ZC3H4: variants seen among roughly 807,000 people sequenced by gnomAD.
ZC3H4 encodes the protein zinc finger CCCH-type containing 4, also known as zinc finger CCCH domain-containing protein 4.
A neutral mutation model predicts 108.3 loss-of-function variants in ZC3H4; 13 were observed. The ratio of observed to expected loss-of-function variants is 0.12; its 90% confidence interval spans 0.08 to 0.19. ZC3H4 has a LOEUF of 0.19. Among genes scored for constraint, ZC3H4 ranks in the 10% least tolerant of loss-of-function variants. The pLI is 1.00. For missense variants in ZC3H4, 1,734 were observed against 1,838.8 expected (o/e 0.94, Z 1.04); for synonymous variants, 917 against 749.6 (o/e 1.22, Z -3.65).
rs977836669 is a variant in ZC3H4 at position 47,066,337 on chromosome 19, C to G, written c.*19G>C. The G allele has an allele frequency of 6.7e-7, 1 of 1,492,500 alleles. No individual in the cohort carries two copies. 92.5% of individuals were successfully genotyped at this position (1,492,500 alleles called of 1,614,324 possible). A position where few individuals can be genotyped will look rare whatever the true frequency, so the allele number is the denominator to read the frequency against. On this transcript the variant is annotated 3_prime_UTR_variant, in exon 15 of 15. Transcript: ENST00000253048. The stretch of plus-strand genomic sequence containing the variant: ...GCCACCCTAGGAAGGGTGGCTGGAG[C>G]CGCAGCTCTGGCTGGACACTACTGG...
intron 2 of ZC3H4, among the ~76,000 whole-genome samples, chr19:47,100,238 G>A (rs1284798260): frequency 6.6e-6 from 1 of 152,128 alleles, no homozygotes; most frequent in Non-Finnish European, 1.5e-5. Flanking sequence ...GCAGCCATAG[G>A]GGAAACCTCA....
chr19:47,107,728 T>TGTCAACAA (rs2057985549), intron 2 of ZC3H4, among the ~76,000 whole-genome samples: 2 of 151,806 alleles, frequency 1.3e-5, no homozygotes, highest in South Asian at 4.1e-4. Flanking sequence ...TCTTCATTTT[T>TGTCAACAA]GTCAACAACT....
At chr19:47,089,132 G>C (rs2057684983) in intron 5 of ZC3H4, among the ~76,000 whole-genome samples, 2 of 143,566 alleles carry the variant, frequency 1.4e-5, no homozygotes, top group African/African-American at 5.2e-5. Flanking sequence ...CTTGAACCCG[G>C]AAAGCAGAGG....
chr19:47,090,251 C>A, intron 4 of ZC3H4, 62 bp from the exon 5 acceptor site: 2 of 1,576,314 alleles, frequency 1.3e-6, no homozygotes, highest in Non-Finnish European at 1.7e-6. Flanking sequence ...TGCAGACTAC[C>A]AAGATACCCA....
chr19:47,100,382 A>T (rs1045262623), intron 2 of ZC3H4, among the ~76,000 whole-genome samples: 2 of 152,142 alleles, frequency 1.3e-5, no homozygotes, highest in African/African-American at 2.4e-5. Context: ...TTTCTTCAGC[A>T]TTCTCAGGTG....
chr19:47,113,061 C>T (rs2058061367), intron 1 of ZC3H4, among the ~76,000 whole-genome samples: 1 of 152,230 alleles, frequency 6.6e-6, no homozygotes, highest in Non-Finnish European at 1.5e-5. Context: ...CTTCTCTGCC[C>T]GCCCTGGGTG....
chr19:47,068,016 G>A (rs1187885279), intron 14 of ZC3H4, 147 bp from the exon 15 acceptor site: 1 of 798,382 alleles, frequency 1.3e-6, no homozygotes, highest in East Asian at 2.7e-5. Context: ...CCTCCCCACA[G>A]TGGGCGGCTG....
At position 47,071,790 on chromosome 19, in the gene ZC3H4, G is replaced by A. The variant is rs915176380; in HGVS notation, c.2134C>T (p.Leu712=). ...GAGTCCCGCATACCTGCATCCCCCAGGAGTCCGGGCTCCATCTCCATGCCC... is the reference window on the plus strand; with the variant it reads ...GAGTCCCGCATACCTGCATCCCCCAAGAGTCCGGGCTCCATCTCCATGCCC... ...QEGMEMEPGL[L]GDAEDYGHYE... is the part of the protein sequence containing the mutation. The change falls in exon 13 of 15, where the codon CTG becomes TTG. Residue 712 remains leucine (L), a synonymous_variant. Coordinates refer to ENST00000253048, the MANE Select transcript of ZC3H4 (RefSeq NM_015168.2). 1.9e-6 allele frequency: 3 copies of A among 1,610,290 alleles called. No homozygotes were observed. Among genetic ancestry groups the A allele is most frequent in the Non-Finnish European group, 2.5e-6 (3 of 1,178,588 alleles).
rs984046505 is a variant in ZC3H4, at chr19:47,096,828, C to G, written c.162-2220G>C. The G allele has an allele frequency of 1.7e-5, 17 of 985,328 alleles. No individual in the cohort carries two copies. The African/African-American group carries it at 2.8e-4, about 16-fold the overall frequency. 61.0% of individuals were successfully genotyped at this position (985,328 alleles called of 1,614,324 possible). ...CCTCCTTTTCTGCACTGACAAGAAA[C>G]TTGGTCCACAAGGCAGGTGCCTGAT... is the stretch of plus-strand genomic sequence containing the variant. On this transcript the variant is annotated intron_variant, in intron 2 of 14. Transcript: ENST00000253048.
chr19:47,092,388 C>G (rs1370885113), intron 4 of ZC3H4, among the ~76,000 whole-genome samples: 1 of 152,220 alleles, frequency 6.6e-6, no homozygotes, highest in Non-Finnish European at 1.5e-5. Context: ...TCCTGCCTCC[C>G]TCAGGTTTGA....
chr19:47,086,271 A>C (rs983591401), intron 6 of ZC3H4, 113 bp downstream of exon 6: 1 of 1,237,794 alleles, frequency 8.1e-7, no homozygotes, highest in Admixed American at 2.3e-5. Flanking sequence ...CCCTTCCTTC[A>C]GAAGGGCCGT....
chr19:47,112,699 C>T (rs1007479148), intron 1 of ZC3H4, 110 bp from the exon 2 acceptor site: 2 of 618,242 alleles, frequency 3.2e-6, no homozygotes, highest in African/African-American at 1.9e-5. Flanking sequence ...TATATTTTTT[C>T]GGTTTCGGAA....
intron 11 of ZC3H4, among the ~76,000 whole-genome samples, chr19:47,078,415 C>T (rs1299809389): frequency 6.6e-6 from 1 of 151,092 alleles, no homozygotes; most frequent in Non-Finnish European, 1.5e-5. Flanking sequence ...ACCCAGGAGG[C>T]GGAGGTTGCA....
chr19:47,104,414 G>A (rs2057943184), intron 2 of ZC3H4, among the ~76,000 whole-genome samples: 1 of 152,166 alleles, frequency 6.6e-6, no homozygotes, highest in Admixed American at 6.5e-5. Flanking sequence ...ACAAGAATGA[G>A]GTTCACAGTA....
Position 47,081,563 on chromosome 19 carries a change from T to A in ZC3H4, c.1390A>T (p.Met464Leu), listed in dbSNP as rs402833. Residue 464 changes from methionine (M) to leucine (L), a missense_variant, in exon 11 of 15, where the codon ATG (methionine) becomes TTG (leucine). Transcript: ENST00000253048. ...TCGGTCAGAGGGTCGTGGGAAAACATGCAGTCGTCACCATTGATGCAGTTC... is the reference window on the plus strand; with the variant it reads ...TCGGTCAGAGGGTCGTGGGAAAACAAGCAGTCGTCACCATTGATGCAGTTC... ...TGNCINGDDC[M>L]FSHDPLTEET... 1 of 1,614,066 alleles carries A rather than the reference T, an allele frequency of 6.2e-7. No individual in the cohort carries two copies. Among genetic ancestry groups the A allele is most frequent in the Non-Finnish European group, 8.5e-7 (1 of 1,180,030 alleles).
chr19:47,073,693 C>T lies in ZC3H4; in HGVS notation c.1441-980G>A, dbSNP rs147986687. Reference sequence around the variant, plus strand: ...CATCACCCCCAAAAGAGACCCTGTACACACTAAGCAATCGCTCCCCACCCT... The same window carrying T: ...CATCACCCCCAAAAGAGACCCTGTATACACTAAGCAATCGCTCCCCACCCT... On this transcript the variant is annotated intron_variant, in intron 11 of 14. Transcript: ENST00000253048. 9.7e-4 allele frequency among the ~76,000 whole-genome samples: 148 copies of T among 152,338 alleles called. 1 individual carries two copies. Among genetic ancestry groups the T allele is most frequent in the Admixed American group, 7.5e-3 (114 of 15,296 alleles).
chr19:47,110,664 A>C (rs2058026734), intron 2 of ZC3H4, among the ~76,000 whole-genome samples: 1 of 152,224 alleles, frequency 6.6e-6, no homozygotes, highest in Non-Finnish European at 1.5e-5. Context: ...TAAGACATAC[A>C]CTTCTGACAT....
intron 10 of ZC3H4, 147 bp downstream of exon 10, chr19:47,082,037 G>T: frequency 5.6e-6 from 4 of 709,624 alleles, no homozygotes; most frequent in Non-Finnish European, 1.0e-5. Flanking sequence ...GAGGGCGGAC[G>T]TGAGTGTTAA....
At chr19:47,085,681 T>G (rs2057607598) in intron 6 of ZC3H4, among the ~76,000 whole-genome samples, 1 of 152,112 alleles carries the variant, frequency 6.6e-6, no homozygotes, top group Admixed American at 6.5e-5. Flanking sequence ...GGCAGTGGAC[T>G]GTGGACTGGC....
Sources: allele counts gnomAD v4.1 joint callset (sites outside exome capture counted in the v4.1 genomes callset), GRCh38; gene constraint gnomAD v4.1.1; transcripts MANE v1.5; gene names NCBI Gene and HGNC (gene_info 2026-07-23, HGNC 2026-07-21).